LRRTM4: variants seen among roughly 807,000 people sequenced by gnomAD.
The protein encoded by LRRTM4 is leucine-rich repeat transmembrane neuronal protein 4.
In LRRTM4, 25 loss-of-function variants were observed where a neutral mutation model predicts 47.6. That is an observed-to-expected ratio of 0.53 (90% CI 0.38 to 0.73). LRRTM4 has a LOEUF of 0.73. Among genes scored for constraint, LRRTM4 ranks in the 30% least tolerant of loss-of-function variants. The pLI is 0.00. For missense variants in LRRTM4, 638 were observed against 713.4 expected (o/e 0.89, Z 1.20); for synonymous variants, 311 against 269.5 (o/e 1.15, Z -1.51).
chr2:76,781,267 G>A (rs1009065754), intron 3 of LRRTM4, among the ~76,000 whole-genome samples: 1 of 152,248 alleles, frequency 6.6e-6, no homozygotes, highest in African/African-American at 2.4e-5. Context: ...TCCTTGAGCT[G>A]TGGTGGGCTC....
At chr2:77,319,425 A>G (rs1248819917) in intron 3 of LRRTM4, among the ~76,000 whole-genome samples, 1 of 151,930 alleles carries the variant, frequency 6.6e-6, no homozygotes, top group Non-Finnish European at 1.5e-5. Context: ...GTTTCAGTAA[A>G]AATTAAATAA....
At chr2:77,070,764 G>A (rs970127524) in intron 3 of LRRTM4, among the ~76,000 whole-genome samples, 13 of 152,040 alleles carry the variant, frequency 8.6e-5, no homozygotes, top group African/African-American at 3.1e-4. Context: ...CTGAGTAGCT[G>A]GGACTACAGG....
At chr2:77,004,587 G>A (rs895779285) in intron 3 of LRRTM4, among the ~76,000 whole-genome samples, 5 of 152,170 alleles carry the variant, frequency 3.3e-5, no homozygotes, top group Admixed American at 3.3e-4. Context: ...GTGCAGAGGA[G>A]AAATGTAGGG....
intron 3 of LRRTM4, among the ~76,000 whole-genome samples, chr2:77,163,833 C>A (rs1672801062): frequency 6.6e-6 from 1 of 152,152 alleles, no homozygotes; most frequent in Admixed American, 6.5e-5. Flanking sequence ...AAGGAACAAT[C>A]AGTACCAGCC....
At chr2:77,242,198 G>A (rs1675286774) in intron 3 of LRRTM4, among the ~76,000 whole-genome samples, 1 of 152,032 alleles carries the variant, frequency 6.6e-6, no homozygotes, top group Non-Finnish European at 1.5e-5. Flanking sequence ...ATTTGGATAA[G>A]AATTGCATTG....
At position 76,963,430 on chromosome 2, in the gene LRRTM4, C is replaced by G. The variant is rs567263511; in HGVS notation, c.1552-214514G>C. Among the ~76,000 whole-genome samples, 5 of 150,966 alleles carry G rather than the reference C, an allele frequency of 3.3e-5. No homozygotes were observed. In the East Asian group the frequency reaches 9.8e-4, roughly 30 times the overall value. Reference sequence around the variant, plus strand: ...CAAGTGATTAAAACAGATTTCTCATCAGAAAATGGCTAAACCACATGATCA... The same window carrying G: ...CAAGTGATTAAAACAGATTTCTCATGAGAAAATGGCTAAACCACATGATCA... On this transcript the variant is annotated intron_variant, in intron 3 of 3. Coordinates refer to ENST00000409884, the MANE Select transcript of LRRTM4 (RefSeq NM_001134745.3).
intron 3 of LRRTM4, among the ~76,000 whole-genome samples, chr2:77,464,683 G>A (rs985437083): frequency 1.3e-5 from 2 of 151,984 alleles, no homozygotes; most frequent in African/African-American, 4.8e-5. Context: ...TCGTGGTGAG[G>A]TCTGATATCA....
intron 3 of LRRTM4, among the ~76,000 whole-genome samples, chr2:77,199,829 C>G (rs1025425329): frequency 4.0e-5 from 6 of 151,776 alleles, no homozygotes; most frequent in Non-Finnish European, 7.4e-5. Flanking sequence ...AATGCCATGC[C>G]CAAGATAAAT....
intron 3 of LRRTM4, among the ~76,000 whole-genome samples, chr2:77,147,455 C>A (rs1025338626): frequency 1.3e-5 from 2 of 152,142 alleles, no homozygotes; most frequent in Non-Finnish European, 2.9e-5. Flanking sequence ...GGTTTATTTT[C>A]AAGTGATTAG....
At chr2:77,142,845 A>G (rs953207055) in intron 3 of LRRTM4, among the ~76,000 whole-genome samples, 27 of 152,278 alleles carry the variant, frequency 1.8e-4, no homozygotes, top group African/African-American at 6.3e-4. Context: ...TGTAATTTGC[A>G]CTTACACATA....
chr2:77,460,071 C>T (rs1558753781), intron 3 of LRRTM4, among the ~76,000 whole-genome samples: 1 of 152,066 alleles, frequency 6.6e-6, no homozygotes, highest in Non-Finnish European at 1.5e-5. Context: ...ATGCTGCATT[C>T]ACCACGGATA....
intron 3 of LRRTM4, among the ~76,000 whole-genome samples, chr2:77,111,359 C>T (rs1431362165): frequency 1.3e-5 from 2 of 148,618 alleles, no homozygotes; most frequent in Non-Finnish European, 3.0e-5. Context: ...CATCTACTGA[C>T]CTCGTGATCC....
At chr2:77,005,013 G>A (rs1677583960) in intron 3 of LRRTM4, among the ~76,000 whole-genome samples, 1 of 152,116 alleles carries the variant, frequency 6.6e-6, no homozygotes, top group Non-Finnish European at 1.5e-5. Flanking sequence ...TAATTAACTT[G>A]TATTTGATTT....
intron 3 of LRRTM4, among the ~76,000 whole-genome samples, chr2:76,781,263 A>C (rs889837976): frequency 1.3e-5 from 2 of 152,174 alleles, no homozygotes; most frequent in African/African-American, 4.8e-5. Context: ...GGCCTCCTTG[A>C]GCTGTGGTGG....
intron 3 of LRRTM4, among the ~76,000 whole-genome samples, chr2:77,446,200 G>A (rs1177532327): frequency 2.6e-5 from 4 of 151,830 alleles, no homozygotes; most frequent in Non-Finnish European, 4.4e-5. Context: ...GTTTTTTTCT[G>A]TATCATGTTT....
chr2:77,318,863 T>C (rs1384935009), intron 3 of LRRTM4, among the ~76,000 whole-genome samples: 3 of 137,974 alleles, frequency 2.2e-5, no homozygotes, highest in Non-Finnish European at 4.5e-5. Flanking sequence ...GTGTTGTAGA[T>C]TTTTTAAATA....
rs138418772 is a variant in LRRTM4 at position 77,201,978 on chromosome 2, G to A, written c.1551+316340C>T. On this transcript the variant is annotated intron_variant, in intron 3 of 3. Coordinates refer to ENST00000409884, the MANE Select transcript of LRRTM4 (RefSeq NM_001134745.3). Reference sequence around the variant, plus strand: ...AACTAAAAGATGAGCTCATGTACAAGCTGACAAGAGGTGGTAATGAGTCTA... The same window carrying A: ...AACTAAAAGATGAGCTCATGTACAAACTGACAAGAGGTGGTAATGAGTCTA... Among the ~76,000 whole-genome samples, 3 of 152,198 alleles carry A rather than the reference G, an allele frequency of 2.0e-5. No individual in the cohort carries two copies. In the East Asian group the frequency reaches 5.8e-4, roughly 29 times the overall value.
chr2:76,970,831 G>C (rs532050652), intron 3 of LRRTM4, among the ~76,000 whole-genome samples: 2 of 152,106 alleles, frequency 1.3e-5, no homozygotes, highest in African/African-American at 2.4e-5. Flanking sequence ...CATGGTTCCA[G>C]GTTGGAGAAG....
At chr2:76,934,231 G>C (rs1208047614) in intron 3 of LRRTM4, among the ~76,000 whole-genome samples, 3 of 152,054 alleles carry the variant, frequency 2.0e-5, no homozygotes, top group African/African-American at 4.8e-5. Context: ...TAATAAAAGA[G>C]AGCATTATAT....
Sources: allele counts gnomAD v4.1 joint callset (sites outside exome capture counted in the v4.1 genomes callset), GRCh38; gene constraint gnomAD v4.1.1; transcripts MANE v1.5; gene names NCBI Gene and HGNC (gene_info 2026-07-23, HGNC 2026-07-21).